The following PARD6G variants were observed in gnomAD, a reference collection of about 807,000 sequenced individuals.
PARD6G encodes par-6 family cell polarity regulator gamma, also known as partitioning defective 6 homolog gamma.
Under a neutral mutation model 10.7 loss-of-function variants are expected in PARD6G, and 7 were observed. The ratio of observed to expected loss-of-function variants is 0.66; its 90% CI spans 0.37 to 1.23. The LOEUF (loss-of-function observed/expected upper bound fraction) is 1.23. Among genes scored for constraint, PARD6G ranks in the 50% most tolerant of loss-of-function variants. The probability of loss-of-function intolerance (pLI) is 0.02; values close to 1 mark genes in which losing one functional copy is unlikely to be tolerated. For synonymous variants in PARD6G, 287 were observed against 269.4 expected, an observed-to-expected ratio of 1.07 and a Z score of -0.64; for missense variants, 548 against 571.8, an observed-to-expected ratio of 0.96 and a Z score of 0.42.
intron 1 of PARD6G, among the ~76,000 whole-genome samples, chr18:80,237,222 A>T (rs1323586119): frequency 6.6e-6 from 1 of 152,176 alleles, no homozygotes; most frequent in African/African-American, 2.4e-5. Flanking sequence ...CTGATCTTTG[A>T]CAAACCTGAC....
At chr18:80,194,082 A>T (rs1568434025) in intron 2 of PARD6G, among the ~76,000 whole-genome samples, 1 of 152,242 alleles carries the variant, frequency 6.6e-6, no homozygotes, top group Non-Finnish European at 1.5e-5. Flanking sequence ...AAAAAAGTTC[A>T]CAGTGGAAAT....
intron 1 of PARD6G, among the ~76,000 whole-genome samples, chr18:80,240,870 C>T (rs144291744): frequency 1.3e-5 from 2 of 152,262 alleles, no homozygotes; most frequent in Non-Finnish European, 2.9e-5. Context: ...GCCCACTTAC[C>T]TGACTGAACC....
chr18:80,203,685 C>G (rs571746906), intron 1 of PARD6G, among the ~76,000 whole-genome samples: 5 of 152,296 alleles, frequency 3.3e-5, no homozygotes, highest in African/African-American at 1.2e-4. Context: ...TTAGGAAACT[C>G]AGAGGCAGGA....
intron 2 of PARD6G, chr18:80,197,716 C>T (rs1966970804): frequency 6.6e-6 from 1 of 152,078 alleles, no homozygotes; most frequent in Non-Finnish European, 1.5e-5. Flanking sequence ...TTACTGTTTG[C>T]ACTTCCTGTT....
intron 2 of PARD6G, among the ~76,000 whole-genome samples, chr18:80,164,114 C>T (rs986629264): frequency 6.6e-6 from 1 of 152,210 alleles, no homozygotes; most frequent in Non-Finnish European, 1.5e-5. Flanking sequence ...TGGACAATAA[C>T]TACCCCACCT....
chr18:80,220,214 A>C (rs1051063934), intron 1 of PARD6G, among the ~76,000 whole-genome samples: 5 of 152,170 alleles, frequency 3.3e-5, no homozygotes, highest in African/African-American at 9.7e-5. Context: ...GCCCCCTTAT[A>C]AAACCATCAG....
intron 1 of PARD6G, among the ~76,000 whole-genome samples, chr18:80,238,968 CA>C (rs1418109301): frequency 6.6e-6 from 1 of 152,118 alleles, no homozygotes; most frequent in Non-Finnish European, 1.5e-5. Context: ...CAGTGGTTTT[CA>C]AACTTTTTAA....
rs1049608577 is a variant in PARD6G, at chr18:80,161,247, G to A, written c.296-641C>T. ...GGCTGCTTCCCTTCTGTGAGGTCCC[G>A]CACAGTCAGTGCTATTTGTAGGCAC... On this transcript the variant is annotated intron_variant, in intron 2 of 2. Transcript: ENST00000353265. The surrounding 1 kb of genome is among the most constrained non-coding windows in gnomAD (Gnocchi z 4.6). 6.6e-6 allele frequency among the ~76,000 whole-genome samples: 1 copy of A among 152,014 alleles called. No individual in the cohort carries two copies. Among genetic ancestry groups the A allele is most frequent in the Non-Finnish European group, 1.5e-5 (1 of 68,018 alleles).
At chr18:80,195,556 T>TATATATATATATATATAC in intron 2 of PARD6G, among the ~76,000 whole-genome samples, 1 of 101,314 alleles carries the variant, frequency 9.9e-6, no homozygotes, top group Non-Finnish European at 1.9e-5. Context: ...TACATATATA[T>TATATATATATATATATAC]ATATATATAT....
In PARD6G at chr18:80,247,075, C is replaced by G. The variant is rs1354620332; in HGVS notation, c.72+202G>C. On this transcript the variant is annotated intron_variant, in intron 1 of 2. Transcript: ENST00000353265. The surrounding 1 kb of genome is among the most constrained non-coding windows in gnomAD (Gnocchi z 4.2). ...TCGGCCCTCTGAGCGCCGCGGCTGC[C>G]GGGCTTTGTGTCCGCGCGGGGGGCG... 6.6e-6 allele frequency among the ~76,000 whole-genome samples: 1 copy of G among 152,122 alleles called. No individual in the cohort carries two copies. Among genetic ancestry groups the G allele is most frequent in the Non-Finnish European group, 1.5e-5 (1 of 68,010 alleles).
rs1400732460 is a variant in PARD6G at position 80,184,107 on chromosome 18, T to C, written c.295+18603A>G. 1.3e-5 allele frequency: 2 copies of C among 152,140 alleles called. No individual in the cohort carries two copies. Among genetic ancestry groups the C allele is most frequent in the Non-Finnish European group, 2.9e-5 (2 of 68,030 alleles). The allele number at this position is 152,140 out of a possible 1,614,324, so 9.4% of individuals were successfully genotyped here. On this transcript the variant is annotated intron_variant, in intron 2 of 2. Transcript: ENST00000353265. This position sits in a 1 kb window ranked among gnomAD's most constrained non-coding sequence, Gnocchi z 4.5. ...TGCCTCTGATGTGAGAAAGAAACAC[T>C]AGGGCTTCAACCAGATGAGGGGCGT...
rs778021351 is a variant in PARD6G, at chr18:80,202,763, C to T, written c.242G>A (p.Cys81Tyr). Residue 81 changes from cysteine to tyrosine, a missense_variant, in exon 2 of 3, where the codon TGC (cysteine) becomes TAC (tyrosine). Physicochemically the swap from Cys to Tyr is radical, Grantham distance 194. Coordinates refer to ENST00000353265, the MANE Select transcript of PARD6G (RefSeq NM_032510.4). ...GGGATTTGCACTAGAAACCGCCTTGCAGAAGTTGTCATCATTGTTGATGGG... is the reference window on the plus strand; with the variant it reads ...GGGATTTGCACTAGAAACCGCCTTGTAGAAGTTGTCATCATTGTTGATGGG... ...LLPINNDDNF[C>Y]KAVSSANPLL... 1.2e-6 allele frequency: 2 copies of T among 1,613,750 alleles called. No homozygotes were observed. The highest frequency in any genetic ancestry group is 1.7e-6 in the Non-Finnish European group (2 of 1,180,028).
chr18:80,214,895 AGG>A (rs1452631165), intron 1 of PARD6G, among the ~76,000 whole-genome samples: 1 of 152,214 alleles, frequency 6.6e-6, no homozygotes, highest in Admixed American at 6.5e-5. Context: ...TTTGTTAAAG[AGG>A]TCCATACCTA....
chr18:80,173,462 T>C (rs2052790151), intron 2 of PARD6G, among the ~76,000 whole-genome samples: 1 of 152,046 alleles, frequency 6.6e-6, no homozygotes, highest in African/African-American at 2.4e-5. Context: ...TCATCTCTAC[T>C]AAAAATGCAA....
intron 2 of PARD6G, among the ~76,000 whole-genome samples, chr18:80,193,370 T>G (rs1355955698): frequency 6.6e-6 from 1 of 152,154 alleles, no homozygotes; most frequent in African/African-American, 2.4e-5. Context: ...CCCTCACCCT[T>G]TGATTTGAAA....
At position 80,180,735 on chromosome 18, in the gene PARD6G, C is replaced by T. The variant is rs967284694; in HGVS notation, c.296-20129G>A. Among the ~76,000 whole-genome samples, 1 of 152,088 alleles carries T rather than the reference C, an allele frequency of 6.6e-6. No individual in the cohort carries two copies. Among genetic ancestry groups the T allele is most frequent in the Non-Finnish European group, 1.5e-5 (1 of 68,006 alleles). On this transcript the variant is annotated intron_variant, in intron 2 of 2. Coordinates refer to ENST00000353265, the MANE Select transcript of PARD6G (RefSeq NM_032510.4). The surrounding 1 kb of genome is among the most constrained non-coding windows in gnomAD (Gnocchi z 5.6). ...CCTCATACAAGCTTTGTCAGGGGGC[C>T]GGACGTCCACCTGCAGGCCCAGCCC...
At chr18:80,226,068 A>G (rs1396279319) in intron 1 of PARD6G, among the ~76,000 whole-genome samples, 2 of 151,346 alleles carry the variant, frequency 1.3e-5, no homozygotes, top group Non-Finnish European at 2.9e-5. Flanking sequence ...AGGGCTATAT[A>G]ACCACATAGC....
chr18:80,169,015 A>G (rs1343476427), intron 2 of PARD6G: 1 of 169,190 alleles, frequency 5.9e-6, no homozygotes, highest in Non-Finnish European at 1.5e-5. Flanking sequence ...GCCTCTTCCA[A>G]AGGTTTCCAG....
rs1480375587 is a variant in PARD6G, at chr18:80,200,503, C to T, written c.295+2207G>A. 3.3e-5 allele frequency among the ~76,000 whole-genome samples: 5 copies of T among 152,044 alleles called. No individual in the cohort carries two copies. The highest frequency in any genetic ancestry group is 5.9e-5 in the Non-Finnish European group (4 of 68,016). ...CACAGATGAGGACGGTAGAGCTCTG[C>T]GGGATGAGGCGTGTGTTTGTGTCAC... On this transcript the variant is annotated intron_variant, in intron 2 of 2. Coordinates refer to ENST00000353265, the MANE Select transcript of PARD6G (RefSeq NM_032510.4). This position sits in a 1 kb window ranked among gnomAD's most constrained non-coding sequence, Gnocchi z 4.4.
Sources: gnomAD v4.1 joint callset for allele counts (sites outside exome capture counted in the v4.1 genomes callset) on GRCh38, gnomAD v4.1.1 for gene constraint, Gnocchi (gnomAD v3.1) non-coding constraint, MANE v1.5 for transcripts, NCBI Gene and HGNC (gene_info 2026-07-23, HGNC 2026-07-21) for gene names.